Variants in PTPRK observed in about 807,000 individuals in gnomAD.
PTPRK encodes the protein receptor-type tyrosine-protein phosphatase kappa.
A neutral mutation model predicts 178.0 loss-of-function variants in PTPRK; 75 were observed. The observed-to-expected ratio is 0.42, with a 90% CI of 0.35 to 0.51. PTPRK has a LOEUF of 0.51. PTPRK is among the 20% of genes least tolerant of loss of function. The probability of loss-of-function intolerance (pLI) is 0.02; values close to 1 mark genes in which losing one functional copy is unlikely to be tolerated. For missense variants in PTPRK, 1,441 were observed against 1,797.8 expected (o/e 0.80, Z 3.59); for synonymous variants, 637 against 620.6 (o/e 1.03, Z -0.39).
intron 13 of PTPRK, among the ~76,000 whole-genome samples, chr6:128,055,898 G>C (rs988396411): frequency 6.6e-6 from 1 of 152,004 alleles, no homozygotes; most frequent in Non-Finnish European, 1.5e-5. Context: ...ACCATGTCTG[G>C]CCATGCTTAA....
rs1008374445 is a variant in PTPRK at position 128,082,513 on chromosome 6, G to A, written c.1701C>T (p.Tyr567=). The change falls in exon 10 of 30, where the codon TAC becomes TAT. Residue 567 remains tyrosine, a synonymous_variant. Transcript: ENST00000368226. ...CCGTGCTGGCTCTTATGAAAAACTG[G>A]TACGTGGTTCCAGGGTGGAGATGCA... The part of the protein sequence containing the change: ...VFMHLHPGTT[Y]QFFIRASTVK... The A allele has an allele frequency of 6.2e-7, 1 of 1,613,520 alleles. No homozygotes were observed. Among genetic ancestry groups the A allele is most frequent in the African/African-American group, 1.3e-5 (1 of 74,988 alleles).
At chr6:128,227,148 AAACAAAGAAACAAG>A (rs1383320809) in intron 5 of PTPRK, among the ~76,000 whole-genome samples, 7 of 152,306 alleles carry the variant, frequency 4.6e-5, no homozygotes, top group East Asian at 1.9e-4. Flanking sequence ...CATTTTAGTC[AAACAAAGAAACAAG>A]AACAAAGAAA....
chr6:127,976,532 G>C, intron 27 of PTPRK, 125 bp downstream of exon 27: 1 of 1,168,624 alleles, frequency 8.6e-7, no homozygotes, highest in Non-Finnish European at 1.2e-6. Context: ...ATGGTTACTA[G>C]CTTTGAGGTG....
chr6:128,500,593 C>A (rs1243837107), intron 1 of PTPRK: 1 of 152,146 alleles, frequency 6.6e-6, no homozygotes, highest in Non-Finnish European at 1.5e-5. Context: ...AAAAATAAAT[C>A]CCTGAGAGTT....
chr6:128,468,220 T>C (rs1415548031), intron 1 of PTPRK, among the ~76,000 whole-genome samples: 2 of 152,186 alleles, frequency 1.3e-5, no homozygotes, highest in Non-Finnish European at 2.9e-5. Flanking sequence ...TAACTGCTGA[T>C]TGAGCCACCA....
intron 5 of PTPRK, chr6:128,238,208 GAA>G: frequency 4.0e-6 from 1 of 252,854 alleles, no homozygotes; most frequent in Admixed American, 5.2e-5. Context: ...AAAAAGAAAA[GAA>G]AAAAAAAAGA....
intron 5 of PTPRK, among the ~76,000 whole-genome samples, chr6:128,220,504 T>C (rs1168829833): frequency 2.0e-5 from 3 of 152,168 alleles, no homozygotes; most frequent in African/African-American, 7.2e-5. Context: ...GAAATATCAC[T>C]TCATAGGGCT....
intron 2 of PTPRK, among the ~76,000 whole-genome samples, chr6:128,341,775 T>C (rs189537067): frequency 2.3e-4 from 35 of 152,348 alleles, no homozygotes; most frequent in Non-Finnish European, 2.2e-4. Context: ...AAGTTTCAAC[T>C]AGAACAGCAA....
chr6:128,005,760 A>G (rs950985985), intron 14 of PTPRK, among the ~76,000 whole-genome samples: 1 of 296 alleles, frequency 3.4e-3, no homozygotes, highest in Non-Finnish European at 9.3e-3. Flanking sequence ...GTTTAACTTT[A>G]GTAAATAAAT....
At position 128,080,391 on chromosome 6, in the gene PTPRK, G is replaced by A. The variant is rs1275420954; in HGVS notation, c.1778-1473C>T. Reference sequence around the variant, plus strand: ...GAAAATATTTAAGAAGGAAATATCTGTGGATTAAAGATAGATATAGAAATG... The same window carrying A: ...GAAAATATTTAAGAAGGAAATATCTATGGATTAAAGATAGATATAGAAATG... On this transcript the variant is annotated intron_variant, in intron 10 of 29. Coordinates refer to ENST00000368226, the MANE Select transcript of PTPRK (RefSeq NM_002844.4). Among the ~76,000 whole-genome samples the A allele has an allele frequency of 1.3e-5, 2 of 152,020 alleles. 1 individual carries two copies. Among genetic ancestry groups the A allele is most frequent in the Non-Finnish European group, 2.9e-5 (2 of 67,990 alleles).
chr6:128,479,579 AAG>A (rs779103806), intron 1 of PTPRK, among the ~76,000 whole-genome samples: 1 of 152,278 alleles, frequency 6.6e-6, no homozygotes, highest in South Asian at 2.1e-4. Flanking sequence ...AGTATTAAGA[AAG>A]AGGTTTCACA....
Position 128,078,875 on chromosome 6 carries a change from A to G in PTPRK, c.1821T>C (p.Asn607=). The G allele has an allele frequency of 6.2e-7, 1 of 1,612,392 alleles. No individual in the cohort carries two copies. Among genetic ancestry groups the G allele is most frequent in the East Asian group, 2.2e-5 (1 of 44,830 alleles). Reference sequence around the variant, plus strand: ...ATACAGTTATTGTGGTGGCAGTTTCATTGAGAGAGGCATCAACTCCTTCAT... The same window carrying G: ...ATACAGTTATTGTGGTGGCAGTTTCGTTGAGAGAGGCATCAACTCCTTCAT... ...PDYEGVDASL[N]ETATTITVLL... The change falls in exon 11 of 30, where the codon AAT becomes AAC. Residue 607 remains asparagine (N), a synonymous_variant. Transcript: ENST00000368226.
intron 3 of PTPRK, among the ~76,000 whole-genome samples, chr6:128,266,885 T>C (rs1158989118): frequency 2.0e-5 from 3 of 152,074 alleles, no homozygotes; most frequent in Non-Finnish European, 4.4e-5. Context: ...AGGAGGAATA[T>C]AGCAAAGAGT....
chr6:128,340,608 T>C (rs1012796490), intron 2 of PTPRK, among the ~76,000 whole-genome samples: 1 of 152,180 alleles, frequency 6.6e-6, no homozygotes. Flanking sequence ...CACAGATAAA[T>C]ATCTGAGTAT....
Position 128,519,632 on chromosome 6 carries a change from A to G in PTPRK, c.100+627T>C, listed in dbSNP as rs775648852. ...GGTCCTTAGAACCGCATTTCAACAC[A>G]TCTTACAGGGCTCCGCCAACACACA... On this transcript the variant is annotated intron_variant, in intron 1 of 29. Coordinates refer to ENST00000368226, the MANE Select transcript of PTPRK (RefSeq NM_002844.4). The surrounding 1 kb of genome is among the most constrained non-coding windows in gnomAD (Gnocchi z 4.3). 1.6e-4 allele frequency among the ~76,000 whole-genome samples: 25 copies of G among 152,134 alleles called. No homozygotes were observed. The highest frequency in any genetic ancestry group is 3.4e-4 in the Non-Finnish European group (23 of 68,020).
chr6:128,323,705 T>G (rs1393163281), intron 2 of PTPRK, among the ~76,000 whole-genome samples: 2 of 152,118 alleles, frequency 1.3e-5, no homozygotes, highest in Non-Finnish European at 2.9e-5. Context: ...GTTGAGAGCT[T>G]TTGGGAAGAT....
chr6:128,165,598 C>G (rs1015939224), intron 7 of PTPRK, among the ~76,000 whole-genome samples: 1 of 150,632 alleles, frequency 6.6e-6, no homozygotes, highest in Non-Finnish European at 1.5e-5. Flanking sequence ...TATATAAATA[C>G]CAATATAAAC....
At chr6:128,261,835 C>T (rs1348029258) in intron 3 of PTPRK, among the ~76,000 whole-genome samples, 3 of 152,070 alleles carry the variant, frequency 2.0e-5, no homozygotes, top group Admixed American at 2.0e-4. Flanking sequence ...CAAAAAGAAG[C>T]AACTGGTGGG....
intron 3 of PTPRK, among the ~76,000 whole-genome samples, chr6:128,261,864 A>C (rs187736968): frequency 8.9e-4 from 135 of 152,292 alleles, no homozygotes; most frequent in Admixed American, 1.6e-3. Flanking sequence ...ACTTTCATAT[A>C]AGACACAAAT....
Sources: allele counts gnomAD v4.1 joint callset (sites outside exome capture counted in the v4.1 genomes callset), GRCh38; gene constraint gnomAD v4.1.1; non-coding constraint Gnocchi (gnomAD v3.1); transcripts MANE v1.5; gene names NCBI Gene and HGNC (gene_info 2026-07-23, HGNC 2026-07-21).